SLC6A7: variants seen among roughly 807,000 people sequenced by gnomAD.
SLC6A7 encodes the protein sodium-dependent proline transporter.
Under a neutral mutation model 73.1 loss-of-function variants are expected in SLC6A7, and 58 were observed. The ratio of observed to expected loss-of-function variants is 0.79; its 90% confidence interval spans 0.64 to 0.99. SLC6A7 has a LOEUF of 0.99. Ranked by LOEUF, SLC6A7 falls within the 50% of genes least tolerant of loss-of-function variation. The pLI is 0.00. For synonymous variants in SLC6A7, 338 were observed against 338.7 expected (o/e 1.00, Z 0.02); for missense variants, 783 against 831.4 (o/e 0.94, Z 0.72).
intron 1 of SLC6A7, among the ~76,000 whole-genome samples, chr5:150,192,550 A>T (rs558633002): frequency 6.6e-6 from 1 of 152,106 alleles, no homozygotes; most frequent in East Asian, 1.9e-4. Context: ...CCCCATCCTC[A>T]CTGTGCCAGC....
chr5:150,205,673 A>C (rs761063940), intron 13 of SLC6A7, 50 bp downstream of exon 13: 43 of 1,481,614 alleles, frequency 2.9e-5, no homozygotes, highest in Admixed American at 1.2e-4. Flanking sequence ...CTGTGGCCTG[A>C]CCCTAGGTCC....
At position 150,202,400 on chromosome 5, in the gene SLC6A7, G is replaced by A. The variant is rs368629144; in HGVS notation, c.912G>A (p.Gly304=). Residue 304 remains glycine, a synonymous_variant, in exon 7 of 14, where the codon GGG becomes GGA. Transcript: ENST00000230671. The part of the protein sequence containing the change: ...QIFYSLGVGF[G]GLLTFASYNT... Reference sequence around the variant, plus strand: ...TCTATTCCCTGGGTGTGGGCTTCGGGGGGCTCCTCACCTTTGCCTCCTACA... The same window carrying A: ...TCTATTCCCTGGGTGTGGGCTTCGGAGGGCTCCTCACCTTTGCCTCCTACA... The A allele has an allele frequency of 1.9e-6, 3 of 1,614,088 alleles. No individual in the cohort carries two copies. Among genetic ancestry groups the A allele is most frequent in the South Asian group, 1.1e-5 (1 of 91,070 alleles).
chr5:150,197,609 GAAT>G (rs770441467), intron 4 of SLC6A7, among the ~76,000 whole-genome samples: 3 of 117,780 alleles, frequency 2.5e-5, no homozygotes, highest in Non-Finnish European at 6.2e-5. Context: ...TACTAGCTGA[GAAT>G]GATGATGATG....
At chr5:150,199,648 A>G (rs796910672) in intron 5 of SLC6A7, among the ~76,000 whole-genome samples, 5 of 152,322 alleles carry the variant, frequency 3.3e-5, no homozygotes, top group African/African-American at 1.2e-4. Context: ...TGAGCTCAGC[A>G]AGAGTTTGTT....
chr5:150,198,787 C>T (rs952246293), intron 4 of SLC6A7, among the ~76,000 whole-genome samples: 14 of 150,370 alleles, frequency 9.3e-5, no homozygotes, highest in African/African-American at 3.0e-4. Context: ...ACCTAAAGAA[C>T]ACAGTCATGG....
At chr5:150,196,895 G>A (rs889783047) in intron 3 of SLC6A7, 48 bp downstream of exon 3, 1 of 1,587,844 alleles carries the variant, frequency 6.3e-7, no homozygotes, top group Admixed American at 1.7e-5. Flanking sequence ...GGGTCTGGGG[G>A]AGGCAGGGAG....
chr5:150,198,819 TG>T (rs1753211482), intron 4 of SLC6A7, among the ~76,000 whole-genome samples: 1 of 109,526 alleles, frequency 9.1e-6, no homozygotes, highest in African/African-American at 3.9e-5. Context: ...ATGGTGTGTG[TG>T]TGTGTGTGTG....
Position 150,199,370 on chromosome 5 carries a change from A to G in SLC6A7, c.723+4A>G, listed in dbSNP as rs1366042744. On this transcript the variant is annotated splice_donor_region_variant and intron_variant, in intron 5 of 13. Transcript: ENST00000230671. The stretch of plus-strand genomic sequence containing the variant: ...GGGTGTGAAGTCTTCGGGCAAGGTG[A>G]AGCCTGGGAGGCCCCGGAGGCCTGA... The G allele has an allele frequency of 8.1e-6, 13 of 1,611,470 alleles. No individual in the cohort carries two copies. Among genetic ancestry groups the G allele is most frequent in the Non-Finnish European group, 1.1e-5 (13 of 1,178,236 alleles).
intron 6 of SLC6A7, among the ~76,000 whole-genome samples, chr5:150,201,667 C>A (rs6579777): frequency 0.8 from 122,398 of 152,144 alleles, 49,596 homozygotes; most frequent in African/African-American, 0.88. Flanking sequence ...ATCAAGCTTA[C>A]GGTCATACAG....
rs886829985 is a variant in SLC6A7 at position 150,197,039 on chromosome 5, C to T, written c.350-3C>T. ...GCAGCCCAGCAGCCTCTCCCCACAC[C>T]AGGCGCCGGCGCAGCCATGCTGCTC... On this transcript the variant is annotated splice_polypyrimidine_tract_variant and splice_region_variant and intron_variant, in intron 3 of 13. Coordinates refer to ENST00000230671, the MANE Select transcript of SLC6A7 (RefSeq NM_014228.5). The T allele has an allele frequency of 6.2e-7, 1 of 1,612,922 alleles. No homozygotes were observed.
chr5:150,197,006 T>G lies in SLC6A7; in HGVS notation c.350-36T>G, dbSNP rs768902489. 2.5e-6 allele frequency: 4 copies of G among 1,591,384 alleles called. No individual in the cohort carries two copies. The South Asian group carries it at 4.4e-5, about 18-fold the overall frequency. On this transcript the variant is annotated intron_variant, in intron 3 of 13. Coordinates refer to ENST00000230671, the MANE Select transcript of SLC6A7 (RefSeq NM_014228.5). Reference sequence around the variant, plus strand: ...CACTCCACCCGGCTGGCAGAGAGCTTGGCCTGGGCAGCCCAGCAGCCTCTC... The same window carrying G: ...CACTCCACCCGGCTGGCAGAGAGCTGGGCCTGGGCAGCCCAGCAGCCTCTC...
chr5:150,205,172 C>A (rs958341838), intron 12 of SLC6A7, among the ~76,000 whole-genome samples: 1 of 152,212 alleles, frequency 6.6e-6, no homozygotes. Flanking sequence ...AGGATTGGAG[C>A]CTTTAGGCTG....
At chr5:150,190,672 C>T (rs1229830336) in intron 1 of SLC6A7, among the ~76,000 whole-genome samples, 1 of 152,328 alleles carries the variant, frequency 6.6e-6, no homozygotes, top group East Asian at 1.9e-4. Flanking sequence ...CCACCTCTTC[C>T]CCAATTCCAC....
At chr5:150,201,445 G>T (rs1217454096) in intron 6 of SLC6A7, among the ~76,000 whole-genome samples, 1 of 152,050 alleles carries the variant, frequency 6.6e-6, no homozygotes, top group African/African-American at 2.4e-5. Flanking sequence ...GTACCTGGGG[G>T]AACTGTTAAA....
Position 150,196,836 on chromosome 5 carries a change from C to G in SLC6A7, c.338C>G (p.Pro113Arg). The G allele has an allele frequency of 6.2e-7, 1 of 1,614,038 alleles. No homozygotes were observed. Among genetic ancestry groups the G allele is most frequent in the Non-Finnish European group, 8.5e-7 (1 of 1,179,944 alleles). The change falls in exon 3 of 14, where the codon CCT becomes CGT. Residue 113 changes from proline to arginine, a missense_variant. Physicochemically the swap from Pro to Arg is moderately radical, Grantham distance 103. Transcript: ENST00000230671. ...CCCCTGGCTGTCTGGAAAATCAGCC[C>G]TCTCTTCAAAGGTGAGGCCTCAGTG... Reference protein sequence around the residue: ...LGPLAVWKISPLFKGAGAAML... With the variant: ...LGPLAVWKISRLFKGAGAAML...
In SLC6A7 at chr5:150,202,337, C is replaced by T; in HGVS notation, c.859-10C>T. 6.3e-7 allele frequency: 1 copy of T among 1,599,802 alleles called. No individual in the cohort carries two copies. The highest frequency in any genetic ancestry group is 8.6e-7 in the Non-Finnish European group (1 of 1,167,036). The stretch of plus-strand genomic sequence containing the variant: ...CCGCACACCCTCCCTTTCCATCCTT[C>T]CCGGCACAGGTGTGGATTGAAGCTG... On this transcript the variant is annotated splice_polypyrimidine_tract_variant and intron_variant, in intron 6 of 13. Coordinates refer to ENST00000230671, the MANE Select transcript of SLC6A7 (RefSeq NM_014228.5).
At chr5:150,195,028 ATT>A in intron 2 of SLC6A7, 117 bp downstream of exon 2, 1 of 841,284 alleles carries the variant, frequency 1.2e-6, no homozygotes, top group Non-Finnish European at 1.9e-6. Flanking sequence ...GGCAGAACTC[ATT>A]GAAAGTGGTT....
intron 13 of SLC6A7, among the ~76,000 whole-genome samples, chr5:150,206,544 C>A (rs1562102223): frequency 6.6e-6 from 1 of 152,248 alleles, no homozygotes; most frequent in African/African-American, 2.4e-5. Flanking sequence ...TCCACTTCCC[C>A]CGTGTAGCTC....
Position 150,195,468 on chromosome 5 carries a change from C to A in SLC6A7, c.217+557C>A, listed in dbSNP as rs142551144. On this transcript the variant is annotated intron_variant, in intron 2 of 13. Transcript: ENST00000230671. Reference sequence around the variant, plus strand: ...CTCATTAGCAAAAGCTGGGGCTGAGCGCCTACCACCTGTCAGGCCCTGGGC... The same window carrying A: ...CTCATTAGCAAAAGCTGGGGCTGAGAGCCTACCACCTGTCAGGCCCTGGGC... Among the ~76,000 whole-genome samples, 606 of 152,336 alleles carry A rather than the reference C, an allele frequency of 4.0e-3. 11 individuals carry two copies. Among genetic ancestry groups the A allele is most frequent in the South Asian group, 0.03 (144 of 4,832 alleles).
Sources: gnomAD v4.1 joint callset for allele counts (sites outside exome capture counted in the v4.1 genomes callset) on GRCh38, gnomAD v4.1.1 for gene constraint, MANE v1.5 for transcripts, NCBI Gene and HGNC (gene_info 2026-07-23, HGNC 2026-07-21) for gene names.